The following PRH1 variants were observed in gnomAD, a reference collection of about 807,000 sequenced individuals.
PRH1 encodes the protein salivary acidic proline-rich phosphoprotein 1/2.
PRH1 carries 7 observed loss-of-function variants against 7.9 expected under a neutral mutation model. That is an observed-to-expected ratio of 0.89 (90% CI 0.50 to 1.67). The LOEUF (loss-of-function observed/expected upper bound fraction) is 1.67. Ranked by LOEUF, PRH1 falls within the 40% of genes most tolerant of loss-of-function variation. PRH1 has a pLI of 0.00. For missense variants in PRH1, 109 were observed against 223.6 expected, an observed-to-expected ratio of 0.49 and a Z score of 3.27; for synonymous variants, 45 against 80.8, an observed-to-expected ratio of 0.56 and a Z score of 2.38.
chr12:11,134,713 G>A (rs1414896702), intron 1 of PRH1: 1 of 159,058 alleles, frequency 6.3e-6, no homozygotes, highest in African/African-American at 2.4e-5. Flanking sequence ...ATCTTAAAGG[G>A]AGCTTGATCA....
At chr12:11,046,474 A>G (rs960991722) in intron 1 of PRH1, among the ~76,000 whole-genome samples, 3 of 152,074 alleles carry the variant, frequency 2.0e-5, no homozygotes, top group Non-Finnish European at 4.4e-5. Flanking sequence ...GTGTTATGCC[A>G]AACTCAGTCC....
At chr12:10,994,160 T>TC (rs1329957526) in intron 1 of PRH1, among the ~76,000 whole-genome samples, 8 of 152,172 alleles carry the variant, frequency 5.3e-5, no homozygotes, top group Non-Finnish European at 4.4e-5. Flanking sequence ...TGTCTCCTAT[T>TC]CCCCTGGTCA....
At chr12:11,020,373 T>C (rs201689653) in intron 1 of PRH1, among the ~76,000 whole-genome samples, 1 of 136,342 alleles carries the variant, frequency 7.3e-6, no homozygotes, top group African/African-American at 2.7e-5. Flanking sequence ...GATATATATA[T>C]ATATATATAT....
chr12:11,090,195 C>T (rs1565642954), intron 1 of PRH1, among the ~76,000 whole-genome samples: 2 of 115,414 alleles, frequency 1.7e-5, no homozygotes, highest in African/African-American at 2.9e-5. Context: ...GACAAAATTA[C>T]AAAGTTACGG....
rs1439080940 is a variant in PRH1, at chr12:11,092,612, T to G, written n.124-45424A>C. 3.5e-5 allele frequency among the ~76,000 whole-genome samples: 4 copies of G among 114,972 alleles called. 1 individual carries two copies. Among genetic ancestry groups the G allele is most frequent in the African/African-American group, 1.2e-4 (4 of 34,288 alleles). 75.4% of individuals were successfully genotyped at this position (114,972 alleles called of 152,430 possible). A position where few individuals can be genotyped will look rare whatever the true frequency, so the allele number is the denominator to read the frequency against. Reference sequence around the variant, plus strand: ...GGTGCATTTTAGAGCGATTGGTGCATTTTACAATCCTCTTGCTAGCTACAG... The same window carrying G: ...GGTGCATTTTAGAGCGATTGGTGCAGTTTACAATCCTCTTGCTAGCTACAG... On this transcript the variant is annotated intron_variant and non_coding_transcript_variant, in intron 1 of 4. Transcript: ENST00000541977.
intron 1 of PRH1, among the ~76,000 whole-genome samples, chr12:11,070,241 C>A (rs144922098): frequency 2.6e-5 from 4 of 152,260 alleles, no homozygotes; most frequent in South Asian, 4.1e-4. Flanking sequence ...CTAAGGCATG[C>A]GTGTTAAGAG....
At chr12:10,994,261 C>T (rs1940095497) in intron 1 of PRH1, among the ~76,000 whole-genome samples, 1 of 152,180 alleles carries the variant, frequency 6.6e-6, no homozygotes, top group Non-Finnish European at 1.5e-5. Flanking sequence ...TAACCTCCAT[C>T]AAGGGATTGG....
chr12:10,898,690 G>C (rs2135805213), intron 2 of PRH1, among the ~76,000 whole-genome samples: 1 of 152,300 alleles, frequency 6.6e-6, no homozygotes, highest in African/African-American at 2.4e-5. Context: ...TAGAAAGCAT[G>C]TCAGAAGAGG....
At chr12:11,038,133 A>G (rs1452738889) in intron 1 of PRH1, among the ~76,000 whole-genome samples, 2 of 152,260 alleles carry the variant, frequency 1.3e-5, no homozygotes, top group Non-Finnish European at 1.5e-5. Context: ...CTCTAATTAC[A>G]ATGGTATCTA....
chr12:11,131,849 T>A (rs971186560), intron 1 of PRH1, among the ~76,000 whole-genome samples: 5 of 152,248 alleles, frequency 3.3e-5, no homozygotes, highest in African/African-American at 7.2e-5. Context: ...TCCCTTTCAT[T>A]GGTTTACCAC....
At chr12:11,133,795 A>T (rs1946454219) in intron 1 of PRH1, 5 of 1,614,168 alleles carry the variant, frequency 3.1e-6, no homozygotes, top group Non-Finnish European at 4.2e-6. Context: ...ATACAGTCTC[A>T]TCCATGTTTA....
chr12:10,939,086 A>T, intron 2 of PRH1: 1 of 1,613,980 alleles, frequency 6.2e-7, no homozygotes, highest in Non-Finnish European at 8.5e-7. Flanking sequence ...AACCGAAGAG[A>T]TCTTTCTTCC....
chr12:11,020,125 C>T (rs957003488), intron 1 of PRH1, among the ~76,000 whole-genome samples: 3 of 152,218 alleles, frequency 2.0e-5, no homozygotes, highest in Non-Finnish European at 4.4e-5. Context: ...AGCCTATAAC[C>T]TCAACCTGAA....
At chr12:10,987,055 T>C in intron 1 of PRH1, 1 of 426,836 alleles carries the variant, frequency 2.3e-6, no homozygotes, top group Non-Finnish European at 4.1e-6. Flanking sequence ...ATGTCATCTT[T>C]ACGGAAAACA....
chr12:11,127,103 A>G (rs1946158275), intron 1 of PRH1, among the ~76,000 whole-genome samples: 1 of 152,280 alleles, frequency 6.6e-6, no homozygotes, highest in Admixed American at 6.5e-5. Flanking sequence ...ACAGGAAAGC[A>G]CCGGGGAATG....
chr12:10,916,828 T>G (rs530425283), intron 2 of PRH1, among the ~76,000 whole-genome samples: 1 of 151,834 alleles, frequency 6.6e-6, no homozygotes, highest in Non-Finnish European at 1.5e-5. Flanking sequence ...TGGGAAGATA[T>G]CTTGAGCCCA....
chr12:11,119,988 A>C (rs1945846614), downstream of PRH1, among the ~76,000 whole-genome samples: 1 of 152,214 alleles, frequency 6.6e-6, no homozygotes, highest in Non-Finnish European at 1.5e-5. Context: ...TGTAAAAAGG[A>C]TGTATATGAC....
intron 1 of PRH1, chr12:10,986,682 C>A (rs771961457): frequency 1.9e-6 from 3 of 1,612,230 alleles, no homozygotes; most frequent in Non-Finnish European, 1.7e-6. Context: ...TAATAATGCC[C>A]AGAGCAAACC....
intron 1 of PRH1, among the ~76,000 whole-genome samples, chr12:11,004,521 A>G (rs7138834): frequency 0.3 from 46,344 of 151,970 alleles, 8,927 homozygotes; most frequent in East Asian, 0.74. Context: ...ATAAAATATT[A>G]TTAAACTTAA....
Sources: allele counts gnomAD v4.1 joint callset (sites outside exome capture counted in the v4.1 genomes callset), GRCh38; gene constraint gnomAD v4.1.1; transcripts MANE v1.5; gene names NCBI Gene and HGNC (gene_info 2026-07-23, HGNC 2026-07-21).